The following MIS18BP1 variants were observed in gnomAD, a reference collection of about 807,000 sequenced individuals.
The protein encoded by MIS18BP1 is mis18-binding protein 1.
A neutral mutation model predicts 116.1 loss-of-function variants in MIS18BP1; 72 were observed. The ratio of observed to expected loss-of-function variants is 0.62; its 90% CI spans 0.51 to 0.75. The LOEUF (loss-of-function observed/expected upper bound fraction) is 0.75. Among genes scored for constraint, MIS18BP1 ranks in the 30% least tolerant of loss-of-function variants. The pLI, the probability that MIS18BP1 is intolerant of heterozygous loss-of-function variation, is 0.00. For missense variants in MIS18BP1, 1,363 were observed against 1,303.2 expected, an observed-to-expected ratio of 1.05 and a Z score of -0.71; for synonymous variants, 386 against 427.0, an observed-to-expected ratio of 0.90 and a Z score of 1.18.
At chr14:45,221,355 T>C (rs781432056) in intron 11 of MIS18BP1, among the ~76,000 whole-genome samples, 53 of 152,156 alleles carry the variant, frequency 3.5e-4, no homozygotes, top group Non-Finnish European at 5.9e-4. Flanking sequence ...GAGAATGGTG[T>C]GAACCTGGGA....
rs768775260 is a variant in MIS18BP1 at position 45,227,588 on chromosome 14, G to A, written c.1746+75C>T. On this transcript the variant is annotated intron_variant, in intron 9 of 16. Coordinates refer to ENST00000310806, the MANE Select transcript of MIS18BP1 (RefSeq NM_018353.5). The stretch of plus-strand genomic sequence containing the variant: ...AAACAGAACTCACGTCCCTGATATG[G>A]TCCCAAACCTTTTCAGTAGTAAATC... The A allele has an allele frequency of 2.3e-6, 3 of 1,291,320 alleles. No individual in the cohort carries two copies. In the Admixed American group the frequency reaches 6.4e-5, roughly 27 times the overall value. 80.0% of individuals were successfully genotyped at this position (1,291,320 alleles called of 1,614,324 possible).
chr14:45,223,158 C>A (rs935987656), intron 11 of MIS18BP1, among the ~76,000 whole-genome samples: 1 of 152,194 alleles, frequency 6.6e-6, no homozygotes, highest in Non-Finnish European at 1.5e-5. Flanking sequence ...CAGAAGTCCC[C>A]CTTTCTGCTC....
intron 11 of MIS18BP1, among the ~76,000 whole-genome samples, chr14:45,219,413 G>A (rs1345046711): frequency 6.6e-6 from 1 of 152,168 alleles, no homozygotes; most frequent in Non-Finnish European, 1.5e-5. Flanking sequence ...GTCACTGACT[G>A]TGGAGTTGAT....
intron 3 of MIS18BP1, 71 bp from the exon 4 acceptor site, chr14:45,242,589 T>A: frequency 6.6e-7 from 1 of 1,508,134 alleles, no homozygotes. Flanking sequence ...AAGAGATAAA[T>A]TTAGGTTAGG....
chr14:45,225,280 A>C (rs1891094061), intron 10 of MIS18BP1, among the ~76,000 whole-genome samples: 1 of 152,218 alleles, frequency 6.6e-6, no homozygotes, highest in Non-Finnish European at 1.5e-5. Flanking sequence ...AGAATACTTT[A>C]AATAATGCCA....
At position 45,247,160 on chromosome 14, in the gene MIS18BP1, T is replaced by C; in HGVS notation, c.127A>G (p.Lys43Glu). The change falls in exon 2 of 17, where the codon AAA (lysine) becomes GAA (glutamate). Residue 43 changes from lysine (K) to glutamate (E), a missense_variant. Coordinates refer to ENST00000310806, the MANE Select transcript of MIS18BP1 (RefSeq NM_018353.5). ...GAGTTCTGATATTTCACCAAATCTTTTACAGGAGTAAGTGTGCCTGAAGGA... is the reference window on the plus strand; with the variant it reads ...GAGTTCTGATATTTCACCAAATCTTCTACAGGAGTAAGTGTGCCTGAAGGA... Reference protein sequence around the residue: ...SIPSGTLTPVKDLVKYQNSSL... With the variant: ...SIPSGTLTPVEDLVKYQNSSL... The C allele has an allele frequency of 1.2e-6, 2 of 1,613,090 alleles. No homozygotes were observed. The highest frequency in any genetic ancestry group is 1.7e-6 in the Non-Finnish European group (2 of 1,179,990).
At chr14:45,223,672 G>A (rs1015902761) in intron 11 of MIS18BP1, among the ~76,000 whole-genome samples, 2 of 152,140 alleles carry the variant, frequency 1.3e-5, no homozygotes, top group African/African-American at 4.8e-5. Flanking sequence ...AATATTACAT[G>A]GGAATGAAAA....
At chr14:45,221,077 G>A (rs1018366442) in intron 11 of MIS18BP1, among the ~76,000 whole-genome samples, 1 of 152,088 alleles carries the variant, frequency 6.6e-6, no homozygotes, top group Non-Finnish European at 1.5e-5. Flanking sequence ...GGAGGTTGCA[G>A]TGAGCTGAGA....
intron 11 of MIS18BP1, among the ~76,000 whole-genome samples, chr14:45,219,493 C>CATAT (rs139375844): frequency 0.04 from 6,049 of 151,744 alleles, 393 homozygotes; most frequent in African/African-American, 0.14. Context: ...GTCTCAAGAG[C>CATAT]ATATATATAT....
At chr14:45,235,690 T>A in intron 6 of MIS18BP1, 124 bp downstream of exon 6, 1 of 727,902 alleles carries the variant, frequency 1.4e-6, no homozygotes, top group Non-Finnish European at 2.0e-6. Flanking sequence ...TAATATCAGT[T>A]GTTTTGATTT....
chr14:45,241,469 C>G (rs1891573356), intron 4 of MIS18BP1: 2 of 152,288 alleles, frequency 1.3e-5, no homozygotes. Flanking sequence ...GACTCCAGCT[C>G]AAAAATAATT....
At chr14:45,234,537 G>T (rs1049733152) in intron 6 of MIS18BP1, among the ~76,000 whole-genome samples, 2 of 152,154 alleles carry the variant, frequency 1.3e-5, no homozygotes, top group African/African-American at 4.8e-5. Context: ...TGTTCCTCTT[G>T]CTCAGGTGCT....
chr14:45,242,924 T>A (rs756110312), intron 2 of MIS18BP1, 50 bp from the exon 3 acceptor site: 1 of 1,256,884 alleles, frequency 8.0e-7, no homozygotes, highest in Non-Finnish European at 1.1e-6. Flanking sequence ...TATTAGTCAC[T>A]AAGAAAAAAA....
At position 45,231,138 on chromosome 14, in the gene MIS18BP1, T is replaced by C. The variant is rs749089526; in HGVS notation, c.1594+3A>G. The C allele has an allele frequency of 1.2e-6, 2 of 1,610,506 alleles. No individual in the cohort carries two copies. Among genetic ancestry groups the C allele is most frequent in the African/African-American group, 2.7e-5 (2 of 74,716 alleles). On this transcript the variant is annotated splice_donor_region_variant and intron_variant, in intron 8 of 16. Transcript: ENST00000310806. ...CCAACAGAGAAGTAAAGACAAAACA[T>C]ACCCAAATTATCACAATCAAAATCG...
intron 13 of MIS18BP1, among the ~76,000 whole-genome samples, chr14:45,213,376 T>G (rs1482954797): frequency 6.6e-6 from 1 of 152,210 alleles, no homozygotes; most frequent in African/African-American, 2.4e-5. Context: ...AGGTTTAGGC[T>G]ATGTCTGTTA....
At chr14:45,229,478 T>C (rs79560106) in intron 8 of MIS18BP1, among the ~76,000 whole-genome samples, 12,364 of 150,250 alleles carry the variant, frequency 0.082, 673 homozygotes, top group South Asian at 0.16. Flanking sequence ...TATTCCAGCC[T>C]GGGAGACAGA....
At position 45,231,240 on chromosome 14, in the gene MIS18BP1, G is replaced by A. The variant is rs534661606; in HGVS notation, c.1495C>T (p.Arg499Cys). Reference protein sequence around the residue: ...KQKQKTGRSVRDIRKSMKNDA... With the variant: ...KQKQKTGRSVCDIRKSMKNDA... Reference sequence around the variant, plus strand: ...TTTTTCATTGATTTCCTTATGTCACGGACAGATCTTCCAGTTTTCTGTTTT... The same window carrying A: ...TTTTTCATTGATTTCCTTATGTCACAGACAGATCTTCCAGTTTTCTGTTTT... The change falls in exon 8 of 17, where the codon CGT becomes TGT. Residue 499 changes from arginine (R) to cysteine (C), a missense_variant. By Grantham distance (180) the Arg-to-Cys change is radical. Coordinates refer to ENST00000310806, the MANE Select transcript of MIS18BP1 (RefSeq NM_018353.5). 31 of 1,612,906 alleles carry A rather than the reference G, an allele frequency of 1.9e-5. No homozygotes were observed. The Admixed American group carries it at 2.8e-4, about 15-fold the overall frequency.
At chr14:45,218,559 T>G in intron 11 of MIS18BP1, 105 bp from the exon 12 acceptor site, 1 of 1,044,518 alleles carries the variant, frequency 9.6e-7, no homozygotes, top group Non-Finnish European at 1.3e-6. Flanking sequence ...GATGAAGGAA[T>G]CAGTTTTATC....
intron 12 of MIS18BP1, 70 bp from the exon 13 acceptor site, chr14:45,217,249 C>A (rs528671188): frequency 3.3e-6 from 5 of 1,521,120 alleles, no homozygotes; most frequent in African/African-American, 1.4e-5. Flanking sequence ...AAGTTAACAA[C>A]CTTTGCAAAG....
Sources: gnomAD v4.1 joint callset for allele counts (sites outside exome capture counted in the v4.1 genomes callset) on GRCh38, gnomAD v4.1.1 for gene constraint, MANE v1.5 for transcripts, NCBI Gene and HGNC (gene_info 2026-07-23, HGNC 2026-07-21) for gene names.